SIAH1: variants seen among roughly 807,000 people sequenced by gnomAD.
The protein encoded by SIAH1 is E3 ubiquitin-protein ligase SIAH1.
A neutral mutation model predicts 20.0 loss-of-function variants in SIAH1; 2 were observed. That is an observed-to-expected ratio of 0.10 (90% CI 0.04 to 0.31). The LOEUF is 0.31. SIAH1 is among the 10% of genes least tolerant of loss of function. The probability of loss-of-function intolerance (pLI) is 1.00; values close to 1 mark genes in which losing one functional copy is unlikely to be tolerated. For missense variants in SIAH1, 119 were observed against 355.3 expected (o/e 0.33, Z 5.35); for synonymous variants, 118 against 125.3 (o/e 0.94, Z 0.39).
chr16:48,374,544 C>T (rs1444576438), intron 1 of SIAH1, among the ~76,000 whole-genome samples: 2 of 151,982 alleles, frequency 1.3e-5, no homozygotes, highest in African/African-American at 2.4e-5. Flanking sequence ...AGAAAAAGAA[C>T]GGGGTTACAA....
intron 1 of SIAH1, among the ~76,000 whole-genome samples, chr16:48,371,323 ATCT>A (rs1417298607): frequency 2.6e-5 from 4 of 152,300 alleles, no homozygotes; most frequent in South Asian, 2.1e-4. Flanking sequence ...CTCTAATCTC[ATCT>A]TCTTTTGAAT....
intron 1 of SIAH1, among the ~76,000 whole-genome samples, chr16:48,376,777 G>T (rs1476682933): frequency 1.3e-5 from 2 of 152,176 alleles, no homozygotes; most frequent in East Asian, 3.8e-4. Flanking sequence ...GATATCCGAA[G>T]TTGTTCTAAT....
At chr16:48,386,844 C>G (rs1377822817), upstream of SIAH1, among the ~76,000 whole-genome samples, 1 of 152,144 alleles carries the variant, frequency 6.6e-6, no homozygotes, top group Non-Finnish European at 1.5e-5. Flanking sequence ...GTTTCTCGCC[C>G]CCAGAACCCC....
At chr16:48,380,390 T>C (rs1268555267) in intron 1 of SIAH1, among the ~76,000 whole-genome samples, 24 of 148,110 alleles carry the variant, frequency 1.6e-4, no homozygotes. Context: ...GAGGCGGAGG[T>C]TGCAGTTAGC....
At chr16:48,367,336 G>A (rs1435115886) in intron 1 of SIAH1, among the ~76,000 whole-genome samples, 3 of 152,116 alleles carry the variant, frequency 2.0e-5, no homozygotes, top group Non-Finnish European at 4.4e-5. Context: ...ATATTTCACT[G>A]TTTACCAAAC....
chr16:48,365,311 T>C, intron 1 of SIAH1: 1 of 1,513,444 alleles, frequency 6.6e-7, no homozygotes, highest in Non-Finnish European at 9.1e-7. Flanking sequence ...AGCCATTCCC[T>C]AAGCCAGGCA....
chr16:48,383,872 A>G (rs1296096843), intron 1 of SIAH1, among the ~76,000 whole-genome samples: 1 of 152,144 alleles, frequency 6.6e-6, no homozygotes, highest in African/African-American at 2.4e-5. Flanking sequence ...TGCCAAGAAA[A>G]CCTCGTAAGT....
At chr16:48,384,815 C>G (rs1384880752) in intron 1 of SIAH1, among the ~76,000 whole-genome samples, 1 of 149,630 alleles carries the variant, frequency 6.7e-6, no homozygotes. Context: ...CCCTCCACAA[C>G]AAAGGCCGGC....
At chr16:48,370,749 T>C (rs1271844206) in intron 1 of SIAH1, among the ~76,000 whole-genome samples, 1 of 149,504 alleles carries the variant, frequency 6.7e-6, no homozygotes, top group Non-Finnish European at 1.5e-5. Flanking sequence ...GAGCTCGAAG[T>C]GAGCCCAGAT....
At chr16:48,384,369 G>C (rs964765887) in intron 1 of SIAH1, among the ~76,000 whole-genome samples, 3 of 152,134 alleles carry the variant, frequency 2.0e-5, no homozygotes, top group Non-Finnish European at 2.9e-5. Flanking sequence ...TTCCAGGAAC[G>C]GGCAGACAGC....
Position 48,372,003 on chromosome 16 carries a change from G to GTA in SIAH1, c.-2-9575_-2-9574dup, listed in dbSNP as rs1448773529. On this transcript the variant is annotated intron_variant, in intron 1 of 1. Coordinates refer to ENST00000394725, the MANE Select transcript of SIAH1 (RefSeq NM_003031.4). ...TCTGACAAATCTGGTAGGTAAGTAT[G>GTA]TATACACACACACACACACAGAGAA... Among the ~76,000 whole-genome samples, 10 of 151,314 alleles carry GTA rather than the reference G, an allele frequency of 6.6e-5. No individual in the cohort carries two copies. In the East Asian group the frequency reaches 1.7e-3, roughly 26 times the overall value.
chr16:48,381,534 C>T (rs1961291919), intron 1 of SIAH1, among the ~76,000 whole-genome samples: 1 of 152,142 alleles, frequency 6.6e-6, no homozygotes. Flanking sequence ...AATGGATAAA[C>T]CAACTGTGGT....
In SIAH1 at chr16:48,365,285, G is replaced by T. The variant is rs1960785635; in HGVS notation, c.-2-2855C>A. 4 of 1,208,280 alleles carry T rather than the reference G, an allele frequency of 3.3e-6. No individual in the cohort carries two copies. The African/African-American group carries it at 6.0e-5, about 18-fold the overall frequency. 74.8% of individuals were successfully genotyped at this position (1,208,280 alleles called of 1,614,324 possible). A position where few individuals can be genotyped will look rare whatever the true frequency, so the allele number is the denominator to read the frequency against. On this transcript the variant is annotated intron_variant, in intron 1 of 1. Coordinates refer to ENST00000394725, the MANE Select transcript of SIAH1 (RefSeq NM_003031.4). ...AAACATGACTGAGAACCTCGGAAAC[G>T]TCTCGATTCTGCTGCAGCCATTCCC... is the stretch of plus-strand genomic sequence containing the variant.
chr16:48,385,300 G>A lies in SIAH1; in HGVS notation c.-99C>T. Reference sequence around the variant, plus strand: ...CGGGCAGCGCCACCGCCTCTTCCCGGCGCCGAGACCGACGGGACACCCTGG... The same window carrying A: ...CGGGCAGCGCCACCGCCTCTTCCCGACGCCGAGACCGACGGGACACCCTGG... On this transcript the variant is annotated 5_prime_UTR_variant, in exon 1 of 2. Coordinates refer to ENST00000394725, the MANE Select transcript of SIAH1 (RefSeq NM_003031.4). The A allele has an allele frequency of 3.7e-6, 1 of 271,316 alleles. No homozygotes were observed. The allele number at this position is 271,316 out of a possible 1,614,324, so 16.8% of individuals were successfully genotyped here. A position where few individuals can be genotyped will look rare whatever the true frequency, so the allele number is the denominator to read the frequency against.
intron 1 of SIAH1, chr16:48,365,544 C>G (rs1960803470): frequency 1.3e-6 from 2 of 1,569,488 alleles, no homozygotes; most frequent in Admixed American, 1.9e-5. Context: ...TGGGCTCTTT[C>G]TGCTCCTAAG....
intron 1 of SIAH1, among the ~76,000 whole-genome samples, chr16:48,382,961 C>G (rs1961337231): frequency 6.6e-6 from 1 of 152,172 alleles, no homozygotes; most frequent in South Asian, 2.1e-4. Flanking sequence ...TAGATAATTC[C>G]TTCATAACTC....
chr16:48,375,569 T>TA (rs1699814428), intron 1 of SIAH1, among the ~76,000 whole-genome samples: 2 of 151,354 alleles, frequency 1.3e-5, no homozygotes, highest in South Asian at 4.2e-4. Context: ...ACGCAGGAGT[T>TA]AGAGGGTATA....
At chr16:48,375,560 C>T (rs1961087740) in intron 1 of SIAH1, among the ~76,000 whole-genome samples, 1 of 151,874 alleles carries the variant, frequency 6.6e-6, no homozygotes, top group Non-Finnish European at 1.5e-5. Context: ...ATTGCTTGAA[C>T]GCAGGAGTTA....
rs1173759666 is a variant in SIAH1 at position 48,361,462 on chromosome 16, C to A, written c.*118G>T. The A allele has an allele frequency of 1.1e-6, 1 of 928,116 alleles. No homozygotes were observed. 57.5% of individuals were successfully genotyped at this position (928,116 alleles called of 1,614,324 possible). A position where few individuals can be genotyped will look rare whatever the true frequency, so the allele number is the denominator to read the frequency against. On this transcript the variant is annotated 3_prime_UTR_variant, in exon 2 of 2. Transcript: ENST00000394725. ...ATTTAACAGCCTTTCTTTTTATTTACCTTCATGTGTCTAGCTTCCACCTAC... is the reference window on the plus strand; with the variant it reads ...ATTTAACAGCCTTTCTTTTTATTTAACTTCATGTGTCTAGCTTCCACCTAC...
Sources: gnomAD v4.1 joint callset for allele counts (sites outside exome capture counted in the v4.1 genomes callset) on GRCh38, gnomAD v4.1.1 for gene constraint, MANE v1.5 for transcripts, NCBI Gene and HGNC (gene_info 2026-07-23, HGNC 2026-07-21) for gene names.